Variants in NIPAL2 observed in about 807,000 individuals in gnomAD.
NIPAL2 encodes NIPA-like protein 2.
In NIPAL2, 43 loss-of-function variants were observed where a neutral mutation model predicts 48.9. That is an observed-to-expected ratio of 0.88 (90% CI 0.69 to 1.13). The LOEUF (loss-of-function observed/expected upper bound fraction) is 1.13, where lower values mean the gene tolerates loss of function less well. NIPAL2 is among the 50% of genes most tolerant of loss of function. The pLI, the probability that NIPAL2 is intolerant of heterozygous loss-of-function variation, is 0.00. For missense variants in NIPAL2, 446 were observed against 461.4 expected (o/e 0.97, Z 0.31); for synonymous variants, 167 against 174.6 (o/e 0.96, Z 0.34).
intron 2 of NIPAL2, 60 bp downstream of exon 2, chr8:98,253,959 A>G: frequency 8.8e-7 from 1 of 1,132,548 alleles, no homozygotes; most frequent in Non-Finnish European, 1.3e-6. Flanking sequence ...AATGCCCATG[A>G]GAGTCATAAT....
At chr8:98,278,538 T>G (rs534156367) in intron 1 of NIPAL2, among the ~76,000 whole-genome samples, 57 of 152,196 alleles carry the variant, frequency 3.7e-4, no homozygotes, top group Non-Finnish European at 6.6e-4. Context: ...CATCTTCCAG[T>G]TTACCTTTCC....
intron 3 of NIPAL2, among the ~76,000 whole-genome samples, chr8:98,246,708 A>G (rs1394005778): frequency 6.6e-6 from 1 of 152,102 alleles, no homozygotes; most frequent in Non-Finnish European, 1.5e-5. Context: ...ACTTGGAAAA[A>G]GCTGATATGT....
At chr8:98,200,064 C>T (rs776196263) in intron 8 of NIPAL2, among the ~76,000 whole-genome samples, 6 of 152,062 alleles carry the variant, frequency 3.9e-5, no homozygotes, top group Non-Finnish European at 8.8e-5. Context: ...ACAATCCTAC[C>T]GCCTCAGCCT....
At chr8:98,208,660 G>A (rs1385412458) in intron 6 of NIPAL2, among the ~76,000 whole-genome samples, 1 of 152,080 alleles carries the variant, frequency 6.6e-6, no homozygotes, top group Non-Finnish European at 1.5e-5. Context: ...TGTTGGCCAG[G>A]CTGGTCTCAA....
chr8:98,206,358 T>C (rs958197569), intron 6 of NIPAL2, among the ~76,000 whole-genome samples: 1 of 152,024 alleles, frequency 6.6e-6, no homozygotes, highest in East Asian at 1.9e-4. Flanking sequence ...ATTTGAAATA[T>C]ATATATATTT....
chr8:98,214,283 A>T (rs10093356), intron 5 of NIPAL2, among the ~76,000 whole-genome samples: 1 of 151,270 alleles, frequency 6.6e-6, no homozygotes, highest in African/African-American at 2.4e-5. Context: ...CTTGCCTCAA[A>T]CTTCCAAGTA....
At chr8:98,264,816 T>A (rs1814604814) in intron 1 of NIPAL2, among the ~76,000 whole-genome samples, 1 of 152,178 alleles carries the variant, frequency 6.6e-6, no homozygotes, top group Non-Finnish European at 1.5e-5. Flanking sequence ...GGAGCCTGCA[T>A]TGCCAAGTCA....
chr8:98,216,804 G>A (rs769518032), intron 5 of NIPAL2, among the ~76,000 whole-genome samples: 14 of 152,204 alleles, frequency 9.2e-5, no homozygotes, highest in Non-Finnish European at 1.6e-4. Context: ...AGAACATGAA[G>A]TAATTGAGAA....
rs778830626 is a variant in NIPAL2 at position 98,206,326 on chromosome 8, A to ATATATATATGTATG, written c.656-1081_656-1080insCATACATATATATA. On this transcript the variant is annotated intron_variant, in intron 6 of 10. Coordinates refer to ENST00000430223, the MANE Select transcript of NIPAL2 (RefSeq NM_001321635.2). Reference sequence around the variant, plus strand: ...TGTATGTGTGTGTGTGTATATATATATATGTATGTATGTATGTATGTATTT... The same window carrying ATATATATATGTATG: ...TGTATGTGTGTGTGTGTATATATATATATATATATGTATGTATGTATGTATGTATGTATGTATTT... Among the ~76,000 whole-genome samples the ATATATATATGTATG allele has an allele frequency of 5.3e-5, 8 of 151,306 alleles. 1 individual carries two copies. Among genetic ancestry groups the ATATATATATGTATG allele is most frequent in the African/African-American group, 1.5e-4 (6 of 41,086 alleles).
rs1416785136 is a variant in NIPAL2 at position 98,196,077 on chromosome 8, A to G, written c.881-72T>C. The G allele has an allele frequency of 6.6e-6, 6 of 906,288 alleles. No individual in the cohort carries two copies. In the Admixed American group the frequency reaches 8.4e-5, roughly 13 times the overall value. 56.1% of individuals were successfully genotyped at this position (906,288 alleles called of 1,614,324 possible). On this transcript the variant is annotated intron_variant, in intron 8 of 10. Transcript: ENST00000430223. ...TTTATAATAGCTAAATATTGTTTGTAAAATTATGTTAATATGTTATTTTTT... is the reference window on the plus strand; with the variant it reads ...TTTATAATAGCTAAATATTGTTTGTGAAATTATGTTAATATGTTATTTTTT...
At chr8:98,231,538 C>T (rs913242594) in intron 4 of NIPAL2, among the ~76,000 whole-genome samples, 11 of 152,048 alleles carry the variant, frequency 7.2e-5, no homozygotes, top group African/African-American at 2.7e-4. Context: ...GTGCTTTTGA[C>T]GTCTAAGGGA....
At chr8:98,264,651 A>G (rs1401711413) in intron 1 of NIPAL2, among the ~76,000 whole-genome samples, 1 of 150,460 alleles carries the variant, frequency 6.6e-6, no homozygotes. Flanking sequence ...AAATGGAAGA[A>G]CATTCCATGC....
chr8:98,251,107 G>A (rs954067573), intron 3 of NIPAL2, among the ~76,000 whole-genome samples: 2 of 151,380 alleles, frequency 1.3e-5, no homozygotes, highest in African/African-American at 4.9e-5. Context: ...ATTTCAATAC[G>A]ATATGGTGCA....
chr8:98,286,912 T>C (rs1816210425), intron 1 of NIPAL2, among the ~76,000 whole-genome samples: 1 of 151,090 alleles, frequency 6.6e-6, no homozygotes, highest in Admixed American at 6.6e-5. Context: ...AGTGTGTACA[T>C]CCTGAGAGCT....
intron 1 of NIPAL2, among the ~76,000 whole-genome samples, chr8:98,261,066 T>C (rs1329086644): frequency 6.6e-6 from 1 of 151,726 alleles, no homozygotes; most frequent in Non-Finnish European, 1.5e-5. Flanking sequence ...CAGCTGAGGG[T>C]CCTGTCTGTT....
At chr8:98,201,531 C>T (rs1181284502) in intron 8 of NIPAL2, among the ~76,000 whole-genome samples, 2 of 151,996 alleles carry the variant, frequency 1.3e-5, no homozygotes, top group Admixed American at 6.6e-5. Flanking sequence ...AATACAGGTC[C>T]GTGCCACCAT....
chr8:98,192,700 T>C lies in NIPAL2; in HGVS notation c.*278A>G, dbSNP rs796241874. 3 of 412,342 alleles carry C rather than the reference T, an allele frequency of 7.3e-6. 1 individual carries two copies. The South Asian group carries it at 1.4e-4, about 19-fold the overall frequency. The allele number at this position is 412,342 out of a possible 1,614,324, so 25.5% of individuals were successfully genotyped here. A position where few individuals can be genotyped will look rare whatever the true frequency, so the allele number is the denominator to read the frequency against. On this transcript the variant is annotated 3_prime_UTR_variant, in exon 11 of 11. Transcript: ENST00000430223. ...GTATGTTTCTGTGCAACATTCCTGC[T>C]AGAGCAGCCGGGCTCTGAGTAAGGT...
intron 1 of NIPAL2, among the ~76,000 whole-genome samples, chr8:98,260,978 C>G (rs1434727236): frequency 6.6e-6 from 1 of 152,206 alleles, no homozygotes; most frequent in Non-Finnish European, 1.5e-5. Context: ...ACCCCTGACC[C>G]CTGAGCAGCC....
intron 4 of NIPAL2, among the ~76,000 whole-genome samples, chr8:98,230,446 A>G (rs541023620): frequency 5.3e-5 from 8 of 152,306 alleles, no homozygotes; most frequent in Admixed American, 5.2e-4. Flanking sequence ...GGTGAATTAA[A>G]CAAACTTAAA....
Sources: gnomAD v4.1 joint callset for allele counts (sites outside exome capture counted in the v4.1 genomes callset) on GRCh38, gnomAD v4.1.1 for gene constraint, MANE v1.5 for transcripts, NCBI Gene and HGNC (gene_info 2026-07-23, HGNC 2026-07-21) for gene names.